Variants in SCAF4 observed in about 807,000 individuals in gnomAD.
SCAF4 encodes the protein SR-related and CTD-associated factor 4.
A neutral mutation model predicts 129.8 loss-of-function variants in SCAF4; 25 were observed. The observed-to-expected ratio is 0.19, with a 90% CI of 0.14 to 0.27. The LOEUF is 0.27. Among genes scored for constraint, SCAF4 ranks in the 10% least tolerant of loss-of-function variants. SCAF4 has a pLI of 1.00. For synonymous variants in SCAF4, 551 were observed against 497.7 expected (o/e 1.11, Z -1.43); for missense variants, 1,246 against 1,457.1 (o/e 0.86, Z 2.36).
intron 4 of SCAF4, 142 bp downstream of exon 4, chr21:31,703,622 GA>G: frequency 2.1e-6 from 1 of 474,938 alleles, no homozygotes; most frequent in Non-Finnish European, 3.8e-6. Context: ...GACCACTGAA[GA>G]AAAAAACTGT....
At position 31,713,302 on chromosome 21, in the gene SCAF4, C is replaced by T. The variant is rs543289770; in HGVS notation, c.31-6945G>A. ...GTGCACAGGCTCAATAATAACTGCC[C>T]GAGAAATCTTGGCTCTACCACTTGC... On this transcript the variant is annotated intron_variant, in intron 1 of 19. Coordinates refer to ENST00000286835, the MANE Select transcript of SCAF4 (RefSeq NM_020706.2). Among the ~76,000 whole-genome samples the T allele has an allele frequency of 1.2e-4, 18 of 152,170 alleles. No individual in the cohort carries two copies. The East Asian group carries it at 1.9e-3, about 16-fold the overall frequency.
chr21:31,675,472 C>T (rs957331768), intron 19 of SCAF4, among the ~76,000 whole-genome samples: 1 of 152,130 alleles, frequency 6.6e-6, no homozygotes, highest in Admixed American at 6.5e-5. Flanking sequence ...ACACTGAAGA[C>T]ATTTAGTGGA....
At chr21:31,723,502 T>C (rs8133663) in intron 1 of SCAF4, among the ~76,000 whole-genome samples, 35,593 of 151,962 alleles carry the variant, frequency 0.23, 5,884 homozygotes, top group East Asian at 0.52. Context: ...CAAAAAATCC[T>C]GTAACATTTG....
chr21:31,694,749 G>C, intron 10 of SCAF4, 64 bp downstream of exon 10: 4 of 1,476,506 alleles, frequency 2.7e-6, no homozygotes, highest in Non-Finnish European at 3.8e-6. Flanking sequence ...AGCAAATAAG[G>C]AGAAATCTGC....
intron 10 of SCAF4, 125 bp from the exon 11 acceptor site, chr21:31,694,414 A>T: frequency 1.7e-6 from 1 of 601,178 alleles, no homozygotes; most frequent in Non-Finnish European, 2.8e-6. Flanking sequence ...GTTGCCTGGG[A>T]CCAAATTACT....
rs3841743 is a variant in SCAF4, at chr21:31,685,611, T to TGGA, written c.2163_2165dup (p.Pro723dup). The stretch of plus-strand genomic sequence containing the variant: ...GGTTGAATCCTGGGCGCAAAAATGG[T>TGGA]GGAGGAGGAGGGGGAGGAGGAACAC... On this transcript the variant is annotated inframe_insertion, in exon 17 of 20. Transcript: ENST00000286835. 490 of 1,613,722 alleles carry TGGA rather than the reference T, an allele frequency of 3.0e-4. 4 individuals are homozygous for TGGA. In the East Asian group the frequency reaches 8.6e-3, roughly 28 times the overall value.
chr21:31,717,840 TATACAC>T (rs1281477295), intron 1 of SCAF4, among the ~76,000 whole-genome samples: 7 of 82,686 alleles, frequency 8.5e-5, no homozygotes, highest in Non-Finnish European at 1.3e-4. Flanking sequence ...TATATATATA[TATACAC>T]ACACACACAC....
chr21:31,672,103 G>T lies in SCAF4; in HGVS notation c.2740C>A (p.Pro914Thr). Residue 914 changes from proline to threonine, a missense_variant, in exon 20 of 20, where the codon CCC (proline) becomes ACC (threonine). Pro to Thr is a conservative substitution (Grantham distance 38). Coordinates refer to ENST00000286835, the MANE Select transcript of SCAF4 (RefSeq NM_020706.2). Reference sequence around the variant, plus strand: ...GGCATTCCACCAGGCCTAACAAAGGGGCCATGCGGTGGGAAGGGACCTTTC... The same window carrying T: ...GGCATTCCACCAGGCCTAACAAAGGTGCCATGCGGTGGGAAGGGACCTTTC... ...GMKGPFPPHGPFVRPGGMPGL... is the reference protein window; with the variant it reads ...GMKGPFPPHGTFVRPGGMPGL... 1 of 1,612,828 alleles carries T rather than the reference G, an allele frequency of 6.2e-7. No homozygotes were observed. The highest frequency in any genetic ancestry group is 8.5e-7 in the Non-Finnish European group (1 of 1,178,932).
chr21:31,696,951 T>TG (rs2123558410), intron 7 of SCAF4, among the ~76,000 whole-genome samples: 1 of 152,294 alleles, frequency 6.6e-6, no homozygotes, highest in South Asian at 2.1e-4. Context: ...AAACACACAG[T>TG]GTTTTCATTC....
In SCAF4 at chr21:31,731,857, G is replaced by A. The variant is rs370791327; in HGVS notation, c.-165C>T. 8.9e-5 allele frequency: 62 copies of A among 698,916 alleles called. No individual in the cohort carries two copies. In the East Asian group the frequency reaches 1.2e-3, roughly 13 times the overall value. 43.3% of individuals were successfully genotyped at this position (698,916 alleles called of 1,614,324 possible). ...GAGGCTGCGCCCGAAGCGGCGAGGC[G>A]GGCGGCCGAGGCAGAGGCGGAGAGG... On this transcript the variant is annotated 5_prime_UTR_variant, in exon 1 of 20. Transcript: ENST00000286835.
intron 15 of SCAF4, among the ~76,000 whole-genome samples, 155 bp from the exon 16 acceptor site, chr21:31,688,619 A>G (rs2050186263): frequency 6.6e-6 from 1 of 152,266 alleles, no homozygotes; most frequent in East Asian, 1.9e-4. Flanking sequence ...ATTAACAACA[A>G]TAGAAACATG....
At chr21:31,700,114 C>A (rs2050486676) in intron 7 of SCAF4, among the ~76,000 whole-genome samples, 1 of 151,842 alleles carries the variant, frequency 6.6e-6, no homozygotes, top group Non-Finnish European at 1.5e-5. Context: ...GTGCACACCA[C>A]CATACCCAGC....
intron 1 of SCAF4, among the ~76,000 whole-genome samples, chr21:31,722,933 A>G (rs534964041): frequency 9.2e-5 from 14 of 152,316 alleles, no homozygotes; most frequent in African/African-American, 3.4e-4. Context: ...AGCCTGGGTG[A>G]CAGAGCAAGA....
At chr21:31,731,609 G>A (rs1225993633) in intron 1 of SCAF4, 54 bp downstream of exon 1, 27 of 1,572,034 alleles carry the variant, frequency 1.7e-5, no homozygotes, top group South Asian at 2.2e-5. Context: ...CGGGAGAAAC[G>A]AGCCCCGGCT....
At chr21:31,703,548 C>T (rs1001989983) in intron 4 of SCAF4, among the ~76,000 whole-genome samples, 1 of 151,980 alleles carries the variant, frequency 6.6e-6, no homozygotes, top group Non-Finnish European at 1.5e-5. Context: ...AAATTTTGTT[C>T]CTGTCATATT....
At chr21:31,675,349 G>A (rs1430576877) in intron 19 of SCAF4, among the ~76,000 whole-genome samples, 2 of 152,172 alleles carry the variant, frequency 1.3e-5, no homozygotes, top group African/African-American at 2.4e-5. Context: ...TAGTGTATAG[G>A]ATAGCTAAGA....
At chr21:31,717,188 A>G (rs2050939700) in intron 1 of SCAF4, among the ~76,000 whole-genome samples, 1 of 152,226 alleles carries the variant, frequency 6.6e-6, no homozygotes, top group Non-Finnish European at 1.5e-5. Context: ...CTATAAAACA[A>G]GAACTAAAAA....
chr21:31,690,492 A>T (rs1014717049), intron 15 of SCAF4, among the ~76,000 whole-genome samples: 12 of 150,836 alleles, frequency 8.0e-5, no homozygotes, highest in Non-Finnish European at 1.3e-4. Flanking sequence ...AAAAATAAAT[A>T]AAAAAAAACA....
In SCAF4 at chr21:31,723,024, A is replaced by C. The variant is rs771370100; in HGVS notation, c.30+8639T>G. On this transcript the variant is annotated intron_variant, in intron 1 of 19. Coordinates refer to ENST00000286835, the MANE Select transcript of SCAF4 (RefSeq NM_020706.2). ...ATTGTGATTTCTAGAATTTATTGTG[A>C]AGTATGCTTATAAATCGCTGCCAAA... 3.3e-5 allele frequency among the ~76,000 whole-genome samples: 5 copies of C among 152,352 alleles called. 1 individual carries two copies. In the South Asian group the frequency reaches 1.0e-3, roughly 32 times the overall value.
Sources: gnomAD v4.1 joint callset for allele counts (sites outside exome capture counted in the v4.1 genomes callset) on GRCh38, gnomAD v4.1.1 for gene constraint, MANE v1.5 for transcripts, NCBI Gene and HGNC (gene_info 2026-07-23, HGNC 2026-07-21) for gene names.